The following FRMD4A variants were observed in gnomAD, a reference collection of about 807,000 sequenced individuals.
FRMD4A encodes the protein FERM domain-containing protein 4A.
Under a neutral mutation model 129.1 loss-of-function variants are expected in FRMD4A, and 29 were observed. The ratio of observed to expected loss-of-function variants is 0.22; its 90% CI spans 0.17 to 0.31. FRMD4A has a LOEUF of 0.31. Among genes scored for constraint, FRMD4A ranks in the 10% least tolerant of loss-of-function variants. The pLI is 1.00. For missense variants in FRMD4A, 1,272 were observed against 1,375.8 expected, an observed-to-expected ratio of 0.92 and a Z score of 1.19; for synonymous variants, 634 against 571.6, an observed-to-expected ratio of 1.11 and a Z score of -1.56.
rs557316530 is a variant in FRMD4A, at chr10:13,751,739, G to T, written c.465-3920C>A. Among the ~76,000 whole-genome samples, 49 of 152,268 alleles carry T rather than the reference G, an allele frequency of 3.2e-4. 2 individuals carry two copies. The highest frequency in any genetic ancestry group is 2.7e-3 in the Admixed American group (42 of 15,288). On this transcript the variant is annotated intron_variant, in intron 8 of 24. Coordinates refer to ENST00000357447, the MANE Select transcript of FRMD4A (RefSeq NM_018027.5). ...AAAAATGCAAAAAAGAGCTGGATGT[G>T]GTGGCTCATGCTTATAATCCCAGCA...
intron 12 of FRMD4A, chr10:13,707,475 G>A (rs2087579685): frequency 9.8e-7 from 1 of 1,018,222 alleles, no homozygotes. Context: ...CGGGGAGAGG[G>A]ACCCAGCAGG....
chr10:14,091,351 A>G (rs1250796929), intron 2 of FRMD4A, among the ~76,000 whole-genome samples: 1 of 152,040 alleles, frequency 6.6e-6, no homozygotes, highest in Non-Finnish European at 1.5e-5. Flanking sequence ...TGCAGGAAAA[A>G]ATTGCGCTGT....
chr10:14,286,941 G>C (rs1453696898), intron 2 of FRMD4A, among the ~76,000 whole-genome samples: 2 of 152,120 alleles, frequency 1.3e-5, no homozygotes, highest in African/African-American at 4.8e-5. Context: ...AATGGCAATG[G>C]TCACATGGCC....
chr10:13,693,376 A>C (rs956684513), intron 15 of FRMD4A: 1 of 364,734 alleles, frequency 2.7e-6, no homozygotes. Context: ...CGGACGACGG[A>C]ACCAGATCTC....
At chr10:13,946,412 C>T (rs967746824) in intron 2 of FRMD4A, among the ~76,000 whole-genome samples, 2 of 152,102 alleles carry the variant, frequency 1.3e-5, no homozygotes, top group Non-Finnish European at 2.9e-5. Context: ...TGTTTTCTCA[C>T]CATAAAAAAA....
At chr10:14,120,352 G>T (rs1564311052) in intron 2 of FRMD4A, among the ~76,000 whole-genome samples, 2 of 151,890 alleles carry the variant, frequency 1.3e-5, no homozygotes, top group Non-Finnish European at 2.9e-5. Flanking sequence ...CCTTCCTTGA[G>T]TTCCCTGCCT....
chr10:14,171,261 T>A (rs1298854883), intron 2 of FRMD4A, among the ~76,000 whole-genome samples: 2 of 152,158 alleles, frequency 1.3e-5, no homozygotes, highest in African/African-American at 4.8e-5. Flanking sequence ...CAAACATCAT[T>A]TGCTATGGTT....
intron 2 of FRMD4A, among the ~76,000 whole-genome samples, chr10:14,138,566 C>G (rs1839664787): frequency 2.0e-5 from 3 of 151,972 alleles, no homozygotes; most frequent in Non-Finnish European, 1.5e-5. Context: ...TGAGACCAGC[C>G]TGGCCAACAT....
At chr10:14,054,908 C>T (rs1834437005) in intron 2 of FRMD4A, among the ~76,000 whole-genome samples, 1 of 152,194 alleles carries the variant, frequency 6.6e-6, no homozygotes, top group African/African-American at 2.4e-5. Context: ...TCCTCCTTTG[C>T]CTTCCTCCAT....
chr10:14,263,785 C>A (rs73601291), intron 2 of FRMD4A, among the ~76,000 whole-genome samples: 3 of 152,170 alleles, frequency 2.0e-5, no homozygotes. Context: ...TCGGTTTTCA[C>A]TGCGACTGGC....
At chr10:14,105,329 G>A (rs985146197) in intron 2 of FRMD4A, among the ~76,000 whole-genome samples, 7 of 152,110 alleles carry the variant, frequency 4.6e-5, no homozygotes, top group Non-Finnish European at 1.0e-4. Context: ...ACTTTGGGTG[G>A]CCAAGACCAG....
intron 2 of FRMD4A, among the ~76,000 whole-genome samples, chr10:13,967,030 T>C (rs2095489230): frequency 2.0e-5 from 3 of 152,186 alleles, no homozygotes; most frequent in Non-Finnish European, 4.4e-5. Flanking sequence ...GCTATGAGGA[T>C]GCACAGGCGT....
chr10:14,209,166 A>T (rs11258941), intron 2 of FRMD4A, among the ~76,000 whole-genome samples: 81,809 of 151,612 alleles, frequency 0.54, 23,486 homozygotes, highest in South Asian at 0.7. Flanking sequence ...CCGTCTTCAC[A>T]TGGCATCCTC....
At chr10:13,651,210 G>A (rs1325164136) in intron 24 of FRMD4A, 1 of 152,268 alleles carries the variant, frequency 6.6e-6, no homozygotes, top group Non-Finnish European at 1.5e-5. Flanking sequence ...GATGGTGGTA[G>A]TGATAAAAAT....
chr10:13,915,499 C>T (rs1053528299), intron 2 of FRMD4A, among the ~76,000 whole-genome samples: 7 of 151,336 alleles, frequency 4.6e-5, no homozygotes, highest in African/African-American at 7.3e-5. Context: ...GGTGAAACCC[C>T]GTCTCTACTA....
At chr10:13,992,387 T>G (rs961004781) in intron 2 of FRMD4A, among the ~76,000 whole-genome samples, 3 of 152,214 alleles carry the variant, frequency 2.0e-5, no homozygotes, top group Admixed American at 6.5e-5. Flanking sequence ...TTAGCCTGTC[T>G]GTGGGTTGGC....
chr10:14,094,235 T>G (rs1165048517), intron 2 of FRMD4A, among the ~76,000 whole-genome samples: 1 of 152,150 alleles, frequency 6.6e-6, no homozygotes, highest in Non-Finnish European at 1.5e-5. Flanking sequence ...CCAGACGACA[T>G]GGCGCGTTGC....
intron 2 of FRMD4A, among the ~76,000 whole-genome samples, chr10:13,976,990 T>C (rs2095544157): frequency 6.6e-6 from 1 of 152,208 alleles, no homozygotes; most frequent in African/African-American, 2.4e-5. Context: ...AGTTGAGGCC[T>C]AATATCAAGA....
In FRMD4A at chr10:13,953,324, G is replaced by A. The variant is rs536533978; in HGVS notation, c.46-94412C>T. 2.6e-5 allele frequency among the ~76,000 whole-genome samples: 4 copies of A among 152,186 alleles called. No individual in the cohort carries two copies. The South Asian group carries it at 6.2e-4, about 24-fold the overall frequency. ...TTTATTCTAAAGGGAGCTATGGCAC[G>A]ATGCCCCCAAGAAAGTGATAACTAC... On this transcript the variant is annotated intron_variant, in intron 2 of 24. Transcript: ENST00000357447.
Sources: allele counts gnomAD v4.1 joint callset (sites outside exome capture counted in the v4.1 genomes callset), GRCh38; gene constraint gnomAD v4.1.1; transcripts MANE v1.5; gene names NCBI Gene and HGNC (gene_info 2026-07-23, HGNC 2026-07-21).